Variants in NEDD9 observed in about 807,000 individuals in gnomAD.
NEDD9 encodes enhancer of filamentation 1.
Under a neutral mutation model 76.6 loss-of-function variants are expected in NEDD9, and 26 were observed. That is an observed-to-expected ratio of 0.34 (90% confidence interval 0.25 to 0.47). The LOEUF is 0.47. Among genes scored for constraint, NEDD9 ranks in the 20% least tolerant of loss-of-function variants. The probability of loss-of-function intolerance (pLI) is 1.00; values close to 1 mark genes in which losing one functional copy is unlikely to be tolerated. For synonymous variants in NEDD9, 392 were observed against 414.2 expected, an observed-to-expected ratio of 0.95 and a Z score of 0.65; for missense variants, 937 against 1,058.5, an observed-to-expected ratio of 0.89 and a Z score of 1.59.
chr6:11,233,430 G>A (rs772945806), upstream of NEDD9: 15 of 518,798 alleles, frequency 2.9e-5, no homozygotes, highest in South Asian at 2.1e-4. Flanking sequence ...TCTCGGATGG[G>A]GTTGGCCAGT....
chr6:11,336,100 G>T (rs1411014059), intron 1 of NEDD9, among the ~76,000 whole-genome samples: 1 of 152,142 alleles, frequency 6.6e-6, no homozygotes, highest in Non-Finnish European at 1.5e-5. Context: ...ACCTCCCTCA[G>T]AGTCAGCCTT....
intron 1 of NEDD9, among the ~76,000 whole-genome samples, chr6:11,336,067 C>T (rs1355728531): frequency 2.6e-5 from 4 of 152,208 alleles, no homozygotes; most frequent in Admixed American, 1.3e-4. Context: ...CTCCCTTTTC[C>T]CTAGTCACCT....
chr6:11,197,418 T>C (rs1445466285), intron 2 of NEDD9, among the ~76,000 whole-genome samples: 2 of 152,172 alleles, frequency 1.3e-5, no homozygotes, highest in Non-Finnish European at 2.9e-5. Flanking sequence ...CTGCAACTGC[T>C]TTCGTGATTA....
intron 1 of NEDD9, among the ~76,000 whole-genome samples, chr6:11,335,700 C>G (rs998444751): frequency 1.3e-5 from 2 of 152,200 alleles, no homozygotes; most frequent in Admixed American, 6.5e-5. Context: ...GACCTTTATG[C>G]TACAGGAATA....
At chr6:11,300,074 A>G (rs1761007339) in intron 3 of NEDD9, among the ~76,000 whole-genome samples, 1 of 152,230 alleles carries the variant, frequency 6.6e-6, no homozygotes, top group Non-Finnish European at 1.5e-5. Flanking sequence ...GAGCTAAAGG[A>G]GCATGTTCTA....
chr6:11,314,195 A>C lies in NEDD9; in HGVS notation c.-152-8040T>G, dbSNP rs187497797. Among the ~76,000 whole-genome samples, 19 of 152,340 alleles carry C rather than the reference A, an allele frequency of 1.2e-4. 1 individual carries two copies. The highest frequency in any genetic ancestry group is 4.1e-4 in the African/African-American group (17 of 41,570). ...CACATGGTGCAAGCAAGCACTCTAC[A>C]TAAACAGGACCTTTGGATGAGGAGA... On this transcript the variant is annotated intron_variant, in intron 2 of 3. Transcript: ENST00000397378.
intron 2 of NEDD9, among the ~76,000 whole-genome samples, chr6:11,208,409 A>G (rs1295859626): frequency 6.6e-6 from 1 of 152,196 alleles, no homozygotes; most frequent in Non-Finnish European, 1.5e-5. Context: ...GACTGTATAT[A>G]ATCTGACACC....
chr6:11,185,602 G>A lies in NEDD9; in HGVS notation c.2065C>T (p.Pro689Ser). The A allele has an allele frequency of 6.2e-7, 1 of 1,614,176 alleles. No individual in the cohort carries two copies. The change falls in exon 7 of 7, where the codon CCC becomes TCC. Residue 689 changes from proline (P) to serine (S), a missense_variant. Transcript: ENST00000379446. The stretch of plus-strand genomic sequence containing the variant: ...TTTGTGGTGGGTAGGCTCTGAGAGG[G>A]CTTCCACTTCGAGATGTCATTCTCC... ...PVENDISKWKPSQSLPTTNSG... is the reference protein window; with the variant it reads ...PVENDISKWKSSQSLPTTNSG...
chr6:11,275,565 C>CACACACACATATATATATAT (rs551632582), intron 3 of NEDD9, among the ~76,000 whole-genome samples: 136 of 150,274 alleles, frequency 9.1e-4, no homozygotes, highest in African/African-American at 2.0e-3. Flanking sequence ...CACACACACA[C>CACACACACATATATATATAT]ATATATATAT....
chr6:11,278,386 G>A (rs1229060629), intron 3 of NEDD9, among the ~76,000 whole-genome samples: 1 of 152,096 alleles, frequency 6.6e-6, no homozygotes, highest in Non-Finnish European at 1.5e-5. Flanking sequence ...GATGAGGCTG[G>A]TGTTCAAAAA....
At chr6:11,322,876 G>A (rs1445785261) in intron 2 of NEDD9, among the ~76,000 whole-genome samples, 1 of 152,232 alleles carries the variant, frequency 6.6e-6, no homozygotes, top group Non-Finnish European at 1.5e-5. Flanking sequence ...AGCATTGATA[G>A]AAAAGGTCTT....
intron 4 of NEDD9, among the ~76,000 whole-genome samples, chr6:11,191,443 C>T (rs761263714): frequency 5.9e-5 from 9 of 152,154 alleles, no homozygotes; most frequent in Non-Finnish European, 1.0e-4. Context: ...CTAAATTGCT[C>T]ACCCTGTGTT....
intron 3 of NEDD9, among the ~76,000 whole-genome samples, chr6:11,295,218 T>C (rs1428610655): frequency 6.6e-6 from 1 of 152,258 alleles, no homozygotes; most frequent in African/African-American, 2.4e-5. Context: ...CATTTGTATG[T>C]CTTCTTTTGA....
rs1759930299 is a variant in NEDD9, at chr6:11,252,362, C to T, written c.13-38635G>A. Among the ~76,000 whole-genome samples the T allele has an allele frequency of 6.6e-6, 1 of 152,174 alleles. No homozygotes were observed. The highest frequency in any genetic ancestry group is 2.1e-4 in the South Asian group (1 of 4,828). On this transcript the variant is annotated intron_variant, in intron 3 of 3. Transcript: ENST00000397378. This position sits in a 1 kb window ranked among gnomAD's most constrained non-coding sequence, Gnocchi z 4.3. ...AGTCAAGCAAAAGAATAGTAGTTTC[C>T]TATTGCAATATCGGAACCAGCTCTC... is the stretch of plus-strand genomic sequence containing the variant.
chr6:11,258,059 A>G (rs1036558573), intron 3 of NEDD9, among the ~76,000 whole-genome samples: 3 of 152,216 alleles, frequency 2.0e-5, no homozygotes, highest in African/African-American at 7.2e-5. Flanking sequence ...ATTCTGTTAC[A>G]GCCATGGAAT....
intron 4 of NEDD9, among the ~76,000 whole-genome samples, chr6:11,191,468 T>G (rs1206808583): frequency 6.6e-6 from 1 of 152,178 alleles, no homozygotes; most frequent in African/African-American, 2.4e-5. Context: ...GTCCTGTGTT[T>G]CTGACCACCT....
chr6:11,318,148 C>T lies in NEDD9; in HGVS notation c.-152-11993G>A, dbSNP rs76195526. On this transcript the variant is annotated intron_variant, in intron 2 of 3. Coordinates refer to the NEDD9 transcript ENST00000397378. ...CTCTCCTGGGTTCCAGAGCCTCAGACGCAGACAGGAACCACACCATCAGCT... is the reference window on the plus strand; with the variant it reads ...CTCTCCTGGGTTCCAGAGCCTCAGATGCAGACAGGAACCACACCATCAGCT... Among the ~76,000 whole-genome samples, 558 of 152,278 alleles carry T rather than the reference C, an allele frequency of 3.7e-3. 4 individuals carry two copies. Among genetic ancestry groups the T allele is most frequent in the African/African-American group, 0.013 (536 of 41,556 alleles).
At chr6:11,203,236 A>AT (rs1561786119) in intron 2 of NEDD9, among the ~76,000 whole-genome samples, 1 of 152,068 alleles carries the variant, frequency 6.6e-6, no homozygotes, top group East Asian at 1.9e-4. Context: ...CAGCAAAGCC[A>AT]TTTTTTTTCT....
chr6:11,355,056 C>A (rs969972741), intron 1 of NEDD9, among the ~76,000 whole-genome samples: 4 of 152,214 alleles, frequency 2.6e-5, no homozygotes, highest in African/African-American at 7.2e-5. Context: ...CTAAAGAGTT[C>A]TGACTAATAC....
Sources: gnomAD v4.1 joint callset for allele counts (sites outside exome capture counted in the v4.1 genomes callset) on GRCh38, gnomAD v4.1.1 for gene constraint, Gnocchi (gnomAD v3.1) non-coding constraint, MANE v1.5 for transcripts, NCBI Gene and HGNC (gene_info 2026-07-23, HGNC 2026-07-21) for gene names.